Variants in LRRC27 observed in about 807,000 individuals in gnomAD.
LRRC27 encodes leucine-rich repeat-containing protein 27.
LRRC27 carries 57 observed loss-of-function variants against 55.0 expected under a neutral mutation model. The observed-to-expected ratio is 1.04, with a 90% confidence interval of 0.84 to 1.29. The LOEUF (loss-of-function observed/expected upper bound fraction) is 1.29. LRRC27 is among the 50% of genes most tolerant of loss of function. The pLI, the probability that LRRC27 is intolerant of heterozygous loss-of-function variation, is 0.00. For synonymous variants in LRRC27, 278 were observed against 251.9 expected, an observed-to-expected ratio of 1.10 and a Z score of -0.98; for missense variants, 721 against 651.5, an observed-to-expected ratio of 1.11 and a Z score of -1.16.
In LRRC27 at chr10:132,375,936, A is replaced by C. The variant is rs965918261; in HGVS notation, c.*694A>C. 6 of 152,286 alleles carry C rather than the reference A, an allele frequency of 3.9e-5. No homozygotes were observed. Among genetic ancestry groups the C allele is most frequent in the Non-Finnish European group, 8.8e-5 (6 of 68,078 alleles). The allele number at this position is 152,286 out of a possible 1,614,324, so 9.4% of individuals were successfully genotyped here. A position where few individuals can be genotyped will look rare whatever the true frequency, so the allele number is the denominator to read the frequency against. ...CATGCTCTGTCTGCCCAGGCTGTGTAGATTCTGTGTGACTTAGTCTCTTGT... is the reference window on the plus strand; with the variant it reads ...CATGCTCTGTCTGCCCAGGCTGTGTCGATTCTGTGTGACTTAGTCTCTTGT... On this transcript the variant is annotated 3_prime_UTR_variant, in exon 11 of 11. Coordinates refer to ENST00000368614, the MANE Select transcript of LRRC27 (RefSeq NM_030626.3).
At chr10:132,334,648 T>C (rs1342991744) in intron 2 of LRRC27, among the ~76,000 whole-genome samples, 1 of 152,258 alleles carries the variant, frequency 6.6e-6, no homozygotes, top group Non-Finnish European at 1.5e-5. Flanking sequence ...ACGGCAGCGC[T>C]GGTCTTGCTC....
chr10:132,341,012 AGGGCT>A (rs1564825286), intron 3 of LRRC27, among the ~76,000 whole-genome samples: 1 of 152,206 alleles, frequency 6.6e-6, no homozygotes, highest in African/African-American at 2.4e-5. Context: ...AATTTAAATG[AGGGCT>A]GGGCATGGTG....
At chr10:132,352,925 C>CG (rs1329069648) in intron 7 of LRRC27, 1 of 1,613,756 alleles carries the variant, frequency 6.2e-7, no homozygotes, top group Non-Finnish European at 8.5e-7. Flanking sequence ...GGCCCTGACA[C>CG]GGTCATCAGG....
At chr10:132,339,448 C>A (rs904842981) in intron 3 of LRRC27, among the ~76,000 whole-genome samples, 1 of 152,218 alleles carries the variant, frequency 6.6e-6, no homozygotes, top group African/African-American at 2.4e-5. Context: ...CCCGGTGCAT[C>A]TCCATGGGGC....
At chr10:132,365,832 C>T (rs573404430) in intron 10 of LRRC27, among the ~76,000 whole-genome samples, 1 of 152,344 alleles carries the variant, frequency 6.6e-6, no homozygotes. Context: ...CTCCTGGCCT[C>T]AAGTGATCCA....
At chr10:132,361,878 G>A (rs1452286744) in intron 9 of LRRC27, among the ~76,000 whole-genome samples, 3 of 151,826 alleles carry the variant, frequency 2.0e-5, no homozygotes, top group South Asian at 2.1e-4. Context: ...AAGGGGAGAC[G>A]CGATCCGAGA....
intron 10 of LRRC27, chr10:132,366,830 T>C (rs1441077522): frequency 7.9e-7 from 1 of 1,264,142 alleles, no homozygotes; most frequent in Admixed American, 2.5e-5. Context: ...ATTTCCGCTG[T>C]TTCCCTCTCT....
rs546604075 is a variant in LRRC27, at chr10:132,352,715, AG to A, written c.1073+965del. Among the ~76,000 whole-genome samples the A allele has an allele frequency of 1.7e-4, 26 of 149,898 alleles. No homozygotes were observed. In the South Asian group the frequency reaches 1.9e-3, roughly 11 times the overall value. On this transcript the variant is annotated intron_variant, in intron 7 of 10. Transcript: ENST00000368614. ...GGCAGGTGCAGCGCTCGTGGTCTGC[AG>A]GGCGTTGCGTGCATGGGCTCCCTTG... is the stretch of plus-strand genomic sequence containing the variant.
intron 3 of LRRC27, among the ~76,000 whole-genome samples, chr10:132,338,987 G>T (rs2067261880): frequency 6.6e-6 from 1 of 152,202 alleles, no homozygotes; most frequent in Non-Finnish European, 1.5e-5. Context: ...TGGGATGACA[G>T]GCATGAGCCC....
rs538241372 is a variant in LRRC27, at chr10:132,351,431, C to T, written c.927-176C>T. 1.1e-4 allele frequency: 79 copies of T among 710,112 alleles called. 1 individual carries two copies. The South Asian group carries it at 1.3e-3, about 11-fold the overall frequency. 44.0% of individuals were successfully genotyped at this position (710,112 alleles called of 1,614,324 possible). ...TGCTGCCATCCACACATCTTCATTA[C>T]GTGTCCTGAAATCAACAGTCAAGAC... On this transcript the variant is annotated intron_variant, in intron 6 of 10. Transcript: ENST00000368614.
At chr10:132,353,307 G>A (rs1299207341) in intron 7 of LRRC27, 2 of 1,159,252 alleles carry the variant, frequency 1.7e-6, no homozygotes, top group Non-Finnish European at 2.2e-6. Flanking sequence ...GTGGGCGGCT[G>A]CAGCCCGGCC....
intron 2 of LRRC27, among the ~76,000 whole-genome samples, chr10:132,335,703 A>G (rs1370461472): frequency 6.6e-6 from 1 of 151,976 alleles, no homozygotes; most frequent in Non-Finnish European, 1.5e-5. Flanking sequence ...GACGTTCCCT[A>G]TTGGTTGTTG....
At chr10:132,331,460 C>T (rs1387581931), upstream of LRRC27, 4 of 1,612,346 alleles carry the variant, frequency 2.5e-6, no homozygotes, top group African/African-American at 4.0e-5. Flanking sequence ...CCCCTCACTC[C>T]TCCGTCCAGA....
chr10:132,330,946 T>C (rs2066678423), upstream of LRRC27, among the ~76,000 whole-genome samples: 1 of 151,018 alleles, frequency 6.6e-6, no homozygotes. Flanking sequence ...CTCATGCCTG[T>C]AATCCCAGCA....
chr10:132,373,329 G>A (rs1160971857), intron 10 of LRRC27, among the ~76,000 whole-genome samples: 2 of 152,190 alleles, frequency 1.3e-5, no homozygotes, highest in African/African-American at 2.4e-5. Context: ...GAGAGCAGAC[G>A]GAGGGAGAAG....
At position 132,348,476 on chromosome 10, in the gene LRRC27, A is replaced by T; in HGVS notation, c.926+120A>T. The T allele has an allele frequency of 7.4e-7, 1 of 1,355,344 alleles. No individual in the cohort carries two copies. Among genetic ancestry groups the T allele is most frequent in the South Asian group, 1.4e-5 (1 of 70,900 alleles). The allele number at this position is 1,355,344 out of a possible 1,614,324, so 84.0% of individuals were successfully genotyped here. A position where few individuals can be genotyped will look rare whatever the true frequency, so the allele number is the denominator to read the frequency against. On this transcript the variant is annotated intron_variant, in intron 6 of 10. Transcript: ENST00000368614. This position sits in a 1 kb window ranked among gnomAD's most constrained non-coding sequence, Gnocchi z 4.2. ...AGTGTCCTCCACGTTGCCACCGTTT[A>T]CTGTGCAGTGAGTGCCGGTCCCAGG...
chr10:132,359,391 A>G (rs1011772385), intron 8 of LRRC27, among the ~76,000 whole-genome samples: 6 of 152,216 alleles, frequency 3.9e-5, no homozygotes, highest in South Asian at 4.1e-4. Context: ...TTCCATGTCC[A>G]TAACAGGGAA....
intron 4 of LRRC27, 72 bp from the exon 5 acceptor site, chr10:132,344,426 A>G: frequency 2.1e-6 from 3 of 1,428,154 alleles, no homozygotes; most frequent in Middle Eastern, 1.8e-4. Flanking sequence ...AAAAGTTACT[A>G]TTATTTATTC....
intron 9 of LRRC27, among the ~76,000 whole-genome samples, chr10:132,364,429 G>GCTTACACCCACC (rs1564853372): frequency 9.9e-4 from 7 of 7,048 alleles, no homozygotes; most frequent in Non-Finnish European, 2.0e-3. Flanking sequence ...TTACACCCAC[G>GCTTACACCCACC]CTTACATCTA....
Sources: allele counts gnomAD v4.1 joint callset (sites outside exome capture counted in the v4.1 genomes callset), GRCh38; gene constraint gnomAD v4.1.1; non-coding constraint Gnocchi (gnomAD v3.1); transcripts MANE v1.5; gene names NCBI Gene and HGNC (gene_info 2026-07-23, HGNC 2026-07-21).